DENND1A: variants seen among roughly 807,000 people sequenced by gnomAD.
The protein encoded by DENND1A is DENN domain-containing protein 1A.
DENND1A carries 51 observed loss-of-function variants against 113.7 expected under a neutral mutation model. The observed-to-expected ratio is 0.45, with a 90% CI of 0.36 to 0.57. DENND1A has a LOEUF of 0.57. DENND1A is among the 20% of genes least tolerant of loss of function. The probability of loss-of-function intolerance (pLI) is 0.00; values close to 1 mark genes in which losing one functional copy is unlikely to be tolerated. For synonymous variants in DENND1A, 565 were observed against 570.8 expected (o/e 0.99, Z 0.14); for missense variants, 1,258 against 1,395.9 (o/e 0.90, Z 1.57).
At chr9:123,436,872 C>T (rs762190340) in intron 19 of DENND1A, among the ~76,000 whole-genome samples, 7 of 152,098 alleles carry the variant, frequency 4.6e-5, no homozygotes, top group East Asian at 1.9e-4. Context: ...CTCACCCTTC[C>T]GAGCAGCTGG....
At chr9:123,492,313 A>G (rs1282230092) in intron 13 of DENND1A, among the ~76,000 whole-genome samples, 2 of 152,228 alleles carry the variant, frequency 1.3e-5, no homozygotes, top group East Asian at 1.9e-4. Context: ...ACAGTCAGGA[A>G]GAGCTTCACA....
intron 5 of DENND1A, among the ~76,000 whole-genome samples, chr9:123,702,804 G>A (rs1367299906): frequency 6.6e-6 from 1 of 152,154 alleles, no homozygotes; most frequent in Non-Finnish European, 1.5e-5. Context: ...TACAAGCAGT[G>A]CCAAAGGGAG....
At chr9:123,806,167 T>C (rs1193254332) in intron 2 of DENND1A, among the ~76,000 whole-genome samples, 1 of 152,108 alleles carries the variant, frequency 6.6e-6, no homozygotes, top group Non-Finnish European at 1.5e-5. Context: ...TTGGGCAGGC[T>C]GGTCTTGAAC....
intron 3 of DENND1A, among the ~76,000 whole-genome samples, chr9:123,776,949 A>C (rs1830560723): frequency 6.6e-6 from 1 of 152,230 alleles, no homozygotes; most frequent in Non-Finnish European, 1.5e-5. Context: ...GCTTCTCCAA[A>C]GTCCACACAG....
At chr9:123,709,931 C>T (rs2066472184) in intron 5 of DENND1A, among the ~76,000 whole-genome samples, 1 of 152,172 alleles carries the variant, frequency 6.6e-6, no homozygotes, top group South Asian at 2.1e-4. Context: ...TATTTACCTA[C>T]CCTAGTCACA....
intron 8 of DENND1A, among the ~76,000 whole-genome samples, chr9:123,665,910 G>T (rs748088344): frequency 6.6e-6 from 1 of 152,218 alleles, no homozygotes; most frequent in Non-Finnish European, 1.5e-5. Context: ...CTTCAATGCA[G>T]ATGAACTTTG....
At chr9:123,622,907 G>C (rs1428218959) in intron 10 of DENND1A, among the ~76,000 whole-genome samples, 1 of 152,172 alleles carries the variant, frequency 6.6e-6, no homozygotes, top group Non-Finnish European at 1.5e-5. Flanking sequence ...ACTGGCCAAG[G>C]TCAAGGCCAC....
At chr9:123,589,301 T>G (rs926258661) in intron 11 of DENND1A, among the ~76,000 whole-genome samples, 1 of 151,986 alleles carries the variant, frequency 6.6e-6, no homozygotes, top group African/African-American at 2.4e-5. Flanking sequence ...TAGGATGCAT[T>G]CCTAGAAGTG....
At chr9:123,681,635 A>G (rs1485047152) in intron 5 of DENND1A, among the ~76,000 whole-genome samples, 2 of 152,206 alleles carry the variant, frequency 1.3e-5, no homozygotes, top group Non-Finnish European at 2.9e-5. Flanking sequence ...CACGGTGTCA[A>G]ACTGGAACTG....
intron 19 of DENND1A, among the ~76,000 whole-genome samples, chr9:123,417,212 C>T (rs1338708930): frequency 6.6e-6 from 1 of 152,252 alleles, no homozygotes; most frequent in Non-Finnish European, 1.5e-5. Flanking sequence ...AATGGGACCA[C>T]TCCATCTTCC....
At chr9:123,601,833 A>G (rs1466004129) in intron 11 of DENND1A, among the ~76,000 whole-genome samples, 1 of 152,214 alleles carries the variant, frequency 6.6e-6, no homozygotes, top group Admixed American at 6.5e-5. Flanking sequence ...AGATAAGTTA[A>G]CCAGGTCCCA....
chr9:123,929,048 G>GGA (rs1180983808), intron 1 of DENND1A, among the ~76,000 whole-genome samples: 1 of 152,276 alleles, frequency 6.6e-6, no homozygotes, highest in Non-Finnish European at 1.5e-5. Flanking sequence ...GGCTGGGAGG[G>GGA]GAGATAGAGT....
At chr9:123,543,629 G>A (rs551753070) in intron 13 of DENND1A, among the ~76,000 whole-genome samples, 1 of 152,232 alleles carries the variant, frequency 6.6e-6, no homozygotes, top group Non-Finnish European at 1.5e-5. Flanking sequence ...GTACCCGACC[G>A]TGCCACATGC....
intron 3 of DENND1A, among the ~76,000 whole-genome samples, chr9:123,784,199 T>C (rs1831763129): frequency 6.6e-6 from 1 of 152,198 alleles, no homozygotes; most frequent in African/African-American, 2.4e-5. Flanking sequence ...AGTCAGACTG[T>C]GACCAGCCTT....
At position 123,902,825 on chromosome 9, in the gene DENND1A, G is replaced by T. The variant is rs372239629; in HGVS notation, c.18-23804C>A. Among the ~76,000 whole-genome samples the T allele has an allele frequency of 4.5e-4, 65 of 143,546 alleles. No homozygotes were observed. The South Asian group carries it at 0.013, about 28-fold the overall frequency. The allele number at this position is 143,546 out of a possible 152,430, so 94.2% of individuals were successfully genotyped here. A position where few individuals can be genotyped will look rare whatever the true frequency, so the allele number is the denominator to read the frequency against. On this transcript the variant is annotated intron_variant, in intron 1 of 23. Transcript: ENST00000394215. The stretch of plus-strand genomic sequence containing the variant: ...CAGCTGTTTTTTTTTTTTTTAAAAA[G>T]GCCAATGTAACCTTGATATCAAAAT...
At chr9:123,752,778 G>T (rs906479907) in intron 5 of DENND1A, among the ~76,000 whole-genome samples, 1 of 152,138 alleles carries the variant, frequency 6.6e-6, no homozygotes, top group Admixed American at 6.5e-5. Flanking sequence ...GATTTCAGAG[G>T]TAAATGCATA....
chr9:123,480,842 A>G (rs1004340180), intron 13 of DENND1A, among the ~76,000 whole-genome samples: 2 of 152,238 alleles, frequency 1.3e-5, no homozygotes, highest in Admixed American at 1.3e-4. Context: ...TATGGGAGTG[A>G]GTCCCATGAA....
intron 2 of DENND1A, among the ~76,000 whole-genome samples, chr9:123,854,362 T>C (rs985154655): frequency 1.3e-5 from 2 of 151,986 alleles, no homozygotes; most frequent in African/African-American, 4.8e-5. Context: ...GATTTAAAAA[T>C]AAAATTCAAA....
chr9:123,799,635 T>C (rs1456182559), intron 2 of DENND1A, among the ~76,000 whole-genome samples: 1 of 152,180 alleles, frequency 6.6e-6, no homozygotes, highest in Non-Finnish European at 1.5e-5. Flanking sequence ...CTGAAGCATA[T>C]ACAATATAGT....
Sources: allele counts gnomAD v4.1 joint callset (sites outside exome capture counted in the v4.1 genomes callset), GRCh38; gene constraint gnomAD v4.1.1; transcripts MANE v1.5; gene names NCBI Gene and HGNC (gene_info 2026-07-23, HGNC 2026-07-21).